ZNF385D: variants seen among roughly 807,000 people sequenced by gnomAD.
ZNF385D encodes the protein zinc finger protein 385D.
ZNF385D carries 15 observed loss-of-function variants against 35.8 expected under a neutral mutation model. The observed-to-expected ratio is 0.42, with a 90% CI of 0.28 to 0.64. ZNF385D has a LOEUF of 0.64. ZNF385D is among the 30% of genes least tolerant of loss of function. The pLI, the probability that ZNF385D is intolerant of heterozygous loss-of-function variation, is 0.23. For missense variants in ZNF385D, 474 were observed against 494.6 expected, an observed-to-expected ratio of 0.96 and a Z score of 0.39; for synonymous variants, 212 against 186.8, an observed-to-expected ratio of 1.13 and a Z score of -1.10.
At chr3:21,879,328 A>T (rs1217809852) in intron 3 of ZNF385D, among the ~76,000 whole-genome samples, 1 of 151,966 alleles carries the variant, frequency 6.6e-6, no homozygotes, top group Non-Finnish European at 1.5e-5. Context: ...GAGAGGACAC[A>T]TGGGATCCGT....
At chr3:21,901,656 C>G (rs866941052) in intron 3 of ZNF385D, among the ~76,000 whole-genome samples, 3 of 152,138 alleles carry the variant, frequency 2.0e-5, no homozygotes, top group Non-Finnish European at 4.4e-5. Flanking sequence ...GTTAAATAAA[C>G]AGTTCACTGG....
chr3:21,562,733 A>AATAATTATAAAACTAT (rs1559408226), intron 3 of ZNF385D, among the ~76,000 whole-genome samples: 1 of 152,186 alleles, frequency 6.6e-6, no homozygotes, highest in Non-Finnish European at 1.5e-5. Flanking sequence ...CACTTAAAAT[A>AATAATTATAAAACTAT]ATAATTATAA....
chr3:21,469,413 C>CTAAAAAAAAAAGCACAGTACCTT (rs1703742500), intron 4 of ZNF385D, among the ~76,000 whole-genome samples: 1 of 152,166 alleles, frequency 6.6e-6, no homozygotes, highest in Admixed American at 6.6e-5. Flanking sequence ...TTAGTACATG[C>CTAAAAAAAAAAGCACAGTACCTT]TGCTTTTTCT....
chr3:21,728,427 G>T (rs1262887685), intron 1 of ZNF385D, among the ~76,000 whole-genome samples: 1 of 152,080 alleles, frequency 6.6e-6, no homozygotes. Context: ...TTCAAGACCT[G>T]TGTGACAGCA....
Position 22,266,925 on chromosome 3 carries a change from T to A in ZNF385D, c.107-97890A>T, listed in dbSNP as rs114762305. Reference sequence around the variant, plus strand: ...AGCCAAGGAAAACAAAACAAAACAATCTTTCCTTCCGAGGATATGTAACGA... The same window carrying A: ...AGCCAAGGAAAACAAAACAAAACAAACTTTCCTTCCGAGGATATGTAACGA... On this transcript the variant is annotated intron_variant, in intron 2 of 5. Transcript: ENST00000494108. Among the ~76,000 whole-genome samples, 509 of 151,794 alleles carry A rather than the reference T, an allele frequency of 3.4e-3. 1 individual carries two copies. The highest frequency in any genetic ancestry group is 0.012 in the African/African-American group (477 of 41,340).
At chr3:21,895,632 T>C (rs1185315012) in intron 3 of ZNF385D, among the ~76,000 whole-genome samples, 1 of 151,740 alleles carries the variant, frequency 6.6e-6, no homozygotes, top group Non-Finnish European at 1.5e-5. Context: ...TGAGCCACCA[T>C]GCCTGGCCCA....
At chr3:21,680,307 G>A (rs1003477816) in intron 1 of ZNF385D, among the ~76,000 whole-genome samples, 1 of 152,126 alleles carries the variant, frequency 6.6e-6, no homozygotes, top group Middle Eastern at 3.4e-3. Flanking sequence ...TTAAAGCAAG[G>A]TAAAGCAATA....
chr3:21,751,170 C>T lies in ZNF385D; in HGVS notation c.-254G>A. ...TGCCCATCCTTACTGTAATCCGACT[C>T]CTCCTTGCGATGTCCTTGCCGCGCC... On this transcript the variant is annotated 5_prime_UTR_variant, in exon 1 of 8. Transcript: ENST00000281523. 1.4e-6 allele frequency: 2 copies of T among 1,406,974 alleles called. No homozygotes were observed. The highest frequency in any genetic ancestry group is 1.8e-6 in the Non-Finnish European group (2 of 1,081,238). The allele number at this position is 1,406,974 out of a possible 1,614,324, so 87.2% of individuals were successfully genotyped here.
At chr3:21,608,901 T>C (rs928988913) in intron 2 of ZNF385D, among the ~76,000 whole-genome samples, 1 of 152,218 alleles carries the variant, frequency 6.6e-6, no homozygotes, top group East Asian at 1.9e-4. Context: ...TATCAGTGTA[T>C]TCAGATGATG....
At position 21,941,518 on chromosome 3, in the gene ZNF385D, G is replaced by C. The variant is rs1263863682; in HGVS notation, c.325+227299C>G. On this transcript the variant is annotated intron_variant, in intron 3 of 5. Transcript: ENST00000494108. Reference sequence around the variant, plus strand: ...TTTTTTTTTTTTTTTTTTTTTTTGAGATGGAGTCTCACTCTGTCCCGCAGG... The same window carrying C: ...TTTTTTTTTTTTTTTTTTTTTTTGACATGGAGTCTCACTCTGTCCCGCAGG... Among the ~76,000 whole-genome samples, 18 of 99,232 alleles carry C rather than the reference G, an allele frequency of 1.8e-4. 1 individual carries two copies. The South Asian group carries it at 6.1e-3, about 34-fold the overall frequency. The allele number at this position is 99,232 out of a possible 152,430, so 65.1% of individuals were successfully genotyped here. A position where few individuals can be genotyped will look rare whatever the true frequency, so the allele number is the denominator to read the frequency against.
chr3:21,906,492 G>C (rs1699690194), intron 3 of ZNF385D, among the ~76,000 whole-genome samples: 1 of 152,156 alleles, frequency 6.6e-6, no homozygotes, highest in South Asian at 2.1e-4. Flanking sequence ...TGTCCTGAAA[G>C]AACGGAGAAC....
intron 2 of ZNF385D, among the ~76,000 whole-genome samples, chr3:22,218,504 T>C (rs968818684): frequency 2.0e-5 from 3 of 152,108 alleles, no homozygotes; most frequent in African/African-American, 7.2e-5. Context: ...TATATATACA[T>C]ACACACACAA....
At chr3:21,564,718 A>C in intron 2 of ZNF385D, 34 bp from the exon 3 acceptor site, 3 of 1,368,364 alleles carry the variant, frequency 2.2e-6, no homozygotes, top group Non-Finnish European at 3.0e-6. Context: ...AACAAATAGA[A>C]ATAAAGCTTG....
intron 3 of ZNF385D, among the ~76,000 whole-genome samples, chr3:21,852,507 G>A (rs7649304): frequency 0.31 from 47,358 of 151,560 alleles, 7,528 homozygotes; most frequent in East Asian, 0.35. Flanking sequence ...TCAAAATCAG[G>A]AACACGATGA....
intron 3 of ZNF385D, among the ~76,000 whole-genome samples, chr3:22,063,882 C>G (rs1699808526): frequency 6.6e-6 from 1 of 152,190 alleles, no homozygotes; most frequent in Non-Finnish European, 1.5e-5. Context: ...TGGCTGAGGC[C>G]TTTGTTTTGA....
intron 3 of ZNF385D, among the ~76,000 whole-genome samples, chr3:21,888,326 A>G (rs993839172): frequency 1.3e-5 from 2 of 152,326 alleles, no homozygotes; most frequent in Admixed American, 6.5e-5. Context: ...AGAAAGTAAA[A>G]AAGTAATAAA....
At chr3:22,284,247 G>A (rs181881671) in intron 2 of ZNF385D, among the ~76,000 whole-genome samples, 2 of 152,216 alleles carry the variant, frequency 1.3e-5, no homozygotes, top group East Asian at 3.9e-4. Flanking sequence ...GGAGTGCAGT[G>A]GCGCGATCTT....
intron 3 of ZNF385D, among the ~76,000 whole-genome samples, chr3:22,026,870 C>T (rs1166009744): frequency 6.6e-6 from 1 of 152,166 alleles, no homozygotes; most frequent in South Asian, 2.1e-4. Flanking sequence ...TTTCATTTGG[C>T]CTGTGCAGAA....
intron 2 of ZNF385D, among the ~76,000 whole-genome samples, chr3:22,345,398 T>C (rs1367121053): frequency 1.3e-5 from 2 of 152,178 alleles, no homozygotes; most frequent in Non-Finnish European, 2.9e-5. Context: ...TCTTCAAACA[T>C]AAAGTAAAAT....
Sources: gnomAD v4.1 joint callset for allele counts (sites outside exome capture counted in the v4.1 genomes callset) on GRCh38, gnomAD v4.1.1 for gene constraint, MANE v1.5 for transcripts, NCBI Gene and HGNC (gene_info 2026-07-23, HGNC 2026-07-21) for gene names.